The following VSIG10 variants were observed in gnomAD, a reference collection of about 807,000 sequenced individuals.
The protein encoded by VSIG10 is V-set and immunoglobulin domain containing 10.
In VSIG10, 48 loss-of-function variants were observed where a neutral mutation model predicts 58.7. The ratio of observed to expected loss-of-function variants is 0.82; its 90% CI spans 0.65 to 1.04. The LOEUF is 1.04. VSIG10 is among the 50% of genes least tolerant of loss of function. The pLI, the probability that VSIG10 is intolerant of heterozygous loss-of-function variation, is 0.00. For synonymous variants in VSIG10, 260 were observed against 267.1 expected, an observed-to-expected ratio of 0.97 and a Z score of 0.26; for missense variants, 628 against 670.0, an observed-to-expected ratio of 0.94 and a Z score of 0.69.
chr12:118,098,924 T>G (rs369904632), intron 1 of VSIG10, among the ~76,000 whole-genome samples: 2 of 147,978 alleles, frequency 1.4e-5, no homozygotes, highest in African/African-American at 2.5e-5. Flanking sequence ...AGATGGGGGT[T>G]GGGGGGGGTC....
chr12:118,087,338 A>C (rs1222751923), intron 2 of VSIG10, among the ~76,000 whole-genome samples: 1 of 151,680 alleles, frequency 6.6e-6, no homozygotes, highest in Middle Eastern at 3.2e-3. Context: ...AGAGACACCA[A>C]ATGCCCACCG....
chr12:118,068,043 T>TTTTCCTGAGGCAGG (rs1414581904), intron 8 of VSIG10, among the ~76,000 whole-genome samples: 1 of 145,494 alleles, frequency 6.9e-6, no homozygotes, highest in Non-Finnish European at 1.5e-5. Flanking sequence ...TTTTTTTTTT[T>TTTTCCTGAGGCAGG]TTCTGAGGCA....
Position 118,082,387 on chromosome 12 carries a change from G to A in VSIG10, c.404C>T (p.Thr135Ile), listed in dbSNP as rs773094692. Residue 135 changes from threonine (T) to isoleucine (I), a missense_variant, in exon 3 of 9, where the codon ACA becomes ATA. Physicochemically the swap from Thr to Ile is moderately conservative, Grantham distance 89. Coordinates refer to ENST00000359236, the MANE Select transcript of VSIG10 (RefSeq NM_019086.6). ...TGCGTAGAGGGTGCCGTTGGGGAGT[G>A]TGCCGGTGGCCACGATGTGGACCTC... The part of the protein sequence containing the change: ...QIEVHIVATG[T>I]LPNGTLYAAR... 1 of 1,613,486 alleles carries A rather than the reference G, an allele frequency of 6.2e-7. No individual in the cohort carries two copies. The highest frequency in any genetic ancestry group is 2.2e-5 in the East Asian group (1 of 44,860).
intron 2 of VSIG10, among the ~76,000 whole-genome samples, chr12:118,088,034 A>G (rs752429623): frequency 2.6e-5 from 4 of 151,874 alleles, no homozygotes; most frequent in Non-Finnish European, 5.9e-5. Context: ...TCACGAGGTT[A>G]GGAGTTCAAG....
At chr12:118,086,328 C>T (rs915105727) in intron 2 of VSIG10, among the ~76,000 whole-genome samples, 6 of 151,234 alleles carry the variant, frequency 4.0e-5, no homozygotes, top group African/African-American at 9.7e-5. Flanking sequence ...ATTATTCAGG[C>T]GTGGTAGTGG....
rs766337791 is a variant in VSIG10, at chr12:118,087,855, A to AAAAAAAAAAAAAAAGAG, written c.362-5427_362-5426insCTCTTTTTTTTTTTTTT. 3.6e-4 allele frequency among the ~76,000 whole-genome samples: 47 copies of AAAAAAAAAAAAAAAGAG among 131,294 alleles called. 1 individual carries two copies. The highest frequency in any genetic ancestry group is 7.9e-4 in the African/African-American group (30 of 37,818). The allele number at this position is 131,294 out of a possible 152,430, so 86.1% of individuals were successfully genotyped here. A position where few individuals can be genotyped will look rare whatever the true frequency, so the allele number is the denominator to read the frequency against. ...CCTGTCTCAAAAAAAAAAAAAAAAA[A>AAAAAAAAAAAAAAAGAG]AGAGAGAGAAGGAGGTAATGTGACT... On this transcript the variant is annotated intron_variant, in intron 2 of 8. Coordinates refer to ENST00000359236, the MANE Select transcript of VSIG10 (RefSeq NM_019086.6).
At chr12:118,078,262 A>C (rs1297457990) in intron 4 of VSIG10, among the ~76,000 whole-genome samples, 1 of 152,082 alleles carries the variant, frequency 6.6e-6, no homozygotes, top group Non-Finnish European at 1.5e-5. Flanking sequence ...GGGTTCACGC[A>C]GTTCTCCTGC....
At chr12:118,095,191 C>A (rs1365280266) in intron 2 of VSIG10, among the ~76,000 whole-genome samples, 1 of 152,180 alleles carries the variant, frequency 6.6e-6, no homozygotes, top group Non-Finnish European at 1.5e-5. Context: ...GCGTAAGCCA[C>A]CGCACCCGGC....
chr12:118,096,353 C>T (rs1043162542), intron 1 of VSIG10, among the ~76,000 whole-genome samples: 2 of 150,680 alleles, frequency 1.3e-5, no homozygotes, highest in African/African-American at 2.4e-5. Flanking sequence ...CCAAGGCGGG[C>T]GGATCACCTG....
intron 8 of VSIG10, among the ~76,000 whole-genome samples, chr12:118,067,225 T>C (rs1366766710): frequency 1.3e-5 from 2 of 152,068 alleles, no homozygotes; most frequent in African/African-American, 2.4e-5. Context: ...CGTTTTGCCA[T>C]GTTCCCAAGG....
intron 2 of VSIG10, among the ~76,000 whole-genome samples, chr12:118,086,590 A>G (rs1022135605): frequency 5.9e-5 from 9 of 152,118 alleles, no homozygotes; most frequent in Admixed American, 5.2e-4. Flanking sequence ...GGATGGGTCA[A>G]TTGATGAAAT....
intron 2 of VSIG10, among the ~76,000 whole-genome samples, chr12:118,084,450 A>G (rs1186707545): frequency 6.6e-6 from 1 of 152,196 alleles, no homozygotes; most frequent in Non-Finnish European, 1.5e-5. Flanking sequence ...GGTCTGTGGG[A>G]AGACTTACAG....
At chr12:118,084,835 C>T (rs923552893) in intron 2 of VSIG10, among the ~76,000 whole-genome samples, 3 of 152,052 alleles carry the variant, frequency 2.0e-5, no homozygotes, top group African/African-American at 4.8e-5. Flanking sequence ...CTGGCTAACA[C>T]GGTGAAACCC....
intron 1 of VSIG10, among the ~76,000 whole-genome samples, chr12:118,100,605 C>T (rs2033599369): frequency 6.6e-6 from 1 of 152,104 alleles, no homozygotes; most frequent in Non-Finnish European, 1.5e-5. Context: ...TTTCGGCTCA[C>T]TGCAACCTCT....
chr12:118,066,662 G>A lies in VSIG10; in HGVS notation c.1600C>T (p.Gln534Ter), dbSNP rs765931483. The A allele has an allele frequency of 2.4e-5, 38 of 1,612,738 alleles. No individual in the cohort carries two copies. Among genetic ancestry groups the A allele is most frequent in the Non-Finnish European group, 3.2e-5 (38 of 1,179,416 alleles). ...CTTCAGACTGGCCTGTCTTCTTCTT[G>A]AACAATGTCACTTTGCTCCTCACTG... The part of the protein sequence containing the change: ...DSSEEQSDIV[Q>*]EEDRPV Residue 534 changes from glutamine to a stop codon, truncating the protein, a stop_gained, in exon 9 of 9, where the codon CAA becomes TAA. Coordinates refer to ENST00000359236, the MANE Select transcript of VSIG10 (RefSeq NM_019086.6). LOFTEE classifies it high-confidence loss of function.
chr12:118,067,523 G>A (rs2032297436), intron 8 of VSIG10, among the ~76,000 whole-genome samples: 1 of 149,334 alleles, frequency 6.7e-6, no homozygotes, highest in Non-Finnish European at 1.5e-5. Flanking sequence ...AAGTGCAGTG[G>A]CACGATCTCG....
chr12:118,068,693 A>G (rs2032359895), intron 7 of VSIG10, 96 bp from the exon 8 acceptor site: 1 of 1,369,798 alleles, frequency 7.3e-7, no homozygotes, highest in East Asian at 2.5e-5. Context: ...TTGCAACCCC[A>G]TTAGTAATAT....
intron 7 of VSIG10, 112 bp downstream of exon 7, chr12:118,070,939 CG>C (rs1457031753): frequency 7.9e-7 from 1 of 1,263,348 alleles, no homozygotes; most frequent in Admixed American, 2.0e-5. Flanking sequence ...TCTAGCACAT[CG>C]TAGGTCCTCA....
intron 1 of VSIG10, chr12:118,102,846 T>C (rs142883878): frequency 2.4e-3 from 371 of 152,376 alleles, no homozygotes; most frequent in Middle Eastern, 6.8e-3. Flanking sequence ...CAGCACACAG[T>C]AGGCATGCAC....
Sources: allele counts gnomAD v4.1 joint callset (sites outside exome capture counted in the v4.1 genomes callset), GRCh38; gene constraint gnomAD v4.1.1; transcripts MANE v1.5; gene names NCBI Gene and HGNC (gene_info 2026-07-23, HGNC 2026-07-21).